The following ZNF385B variants were observed in gnomAD, a reference collection of about 807,000 sequenced individuals.
The protein encoded by ZNF385B is zinc finger protein 533.
A neutral mutation model predicts 39.2 loss-of-function variants in ZNF385B; 23 were observed. That is an observed-to-expected ratio of 0.59 (90% CI 0.42 to 0.83). ZNF385B has a LOEUF of 0.83. Among genes scored for constraint, ZNF385B ranks in the 40% least tolerant of loss-of-function variants. The probability of loss-of-function intolerance (pLI) is 0.00; values close to 1 mark genes in which losing one functional copy is unlikely to be tolerated. For synonymous variants in ZNF385B, 205 were observed against 222.6 expected (o/e 0.92, Z 0.70); for missense variants, 552 against 598.9 (o/e 0.92, Z 0.82).
chr2:179,660,243 C>T (rs916397927), intron 3 of ZNF385B: 1 of 152,368 alleles, frequency 6.6e-6, no homozygotes. Flanking sequence ...GGAGTACTGG[C>T]CTGACTCCAC....
chr2:179,481,887 T>G (rs1279541024), intron 6 of ZNF385B, among the ~76,000 whole-genome samples: 2 of 152,152 alleles, frequency 1.3e-5, no homozygotes. Context: ...TTTTGAAAAA[T>G]AGAGATAATA....
chr2:179,766,065 C>CACACACACACAG (rs1390356107), intron 3 of ZNF385B, among the ~76,000 whole-genome samples: 31 of 150,940 alleles, frequency 2.1e-4, no homozygotes, highest in African/African-American at 7.3e-4. Flanking sequence ...CACACACACA[C>CACACACACACAG]AGCAGACTGG....
intron 3 of ZNF385B, among the ~76,000 whole-genome samples, chr2:179,699,579 T>G (rs1699022354): frequency 6.6e-6 from 1 of 152,234 alleles, no homozygotes; most frequent in Non-Finnish European, 1.5e-5. Flanking sequence ...TAATTCCTGC[T>G]TTCAACAAAA....
chr2:179,769,776 T>G lies in ZNF385B; in HGVS notation c.25A>C (p.Asn9His). 1 of 1,613,446 alleles carries G rather than the reference T, an allele frequency of 6.2e-7. No homozygotes were observed. Among genetic ancestry groups the G allele is most frequent in the Non-Finnish European group, 8.5e-7 (1 of 1,179,640 alleles). Residue 9 changes from asparagine (N) to histidine (H), a missense_variant, in exon 3 of 10, where the codon AAC becomes CAC. Transcript: ENST00000410066. MRYSLSPD[N>H]HLEDGIMNMA... is the part of the protein sequence containing the mutation. ...TTCATGATTCCATCTTCAAGATGGT[T>G]GTCAGGGCTTAAGGAGTACCTCATG...
chr2:179,616,294 T>C (rs1288290679), intron 3 of ZNF385B, among the ~76,000 whole-genome samples: 3 of 152,098 alleles, frequency 2.0e-5, no homozygotes, highest in Non-Finnish European at 4.4e-5. Context: ...GATATCTACA[T>C]TTTATGGTTT....
chr2:179,469,576 T>C (rs1052672727), intron 6 of ZNF385B, among the ~76,000 whole-genome samples: 3 of 152,114 alleles, frequency 2.0e-5, no homozygotes, highest in Non-Finnish European at 4.4e-5. Context: ...AAAGCACAAA[T>C]TGGCCGACTT....
chr2:179,527,150 T>C (rs547408829), intron 4 of ZNF385B, among the ~76,000 whole-genome samples: 9 of 152,228 alleles, frequency 5.9e-5, no homozygotes, highest in Non-Finnish European at 1.2e-4. Context: ...ACAGGCAACA[T>C]CTAATAGCTG....
intron 3 of ZNF385B, among the ~76,000 whole-genome samples, chr2:179,714,511 A>G (rs73973711): frequency 0.028 from 4,234 of 152,264 alleles, 196 homozygotes; most frequent in African/African-American, 0.097. Context: ...GTTGTATTAT[A>G]CAACAATAAA....
intron 1 of ZNF385B, among the ~76,000 whole-genome samples, chr2:179,796,643 G>A (rs1705684330): frequency 6.6e-6 from 1 of 152,200 alleles, no homozygotes; most frequent in Non-Finnish European, 1.5e-5. Context: ...AGGCTGACTA[G>A]TTTTGGAGTC....
At chr2:179,601,704 T>C (rs149599683) in intron 3 of ZNF385B, among the ~76,000 whole-genome samples, 40 of 152,314 alleles carry the variant, frequency 2.6e-4, no homozygotes, top group African/African-American at 7.2e-4. Context: ...ACTTGAAATT[T>C]TGTATTAATT....
chr2:179,551,014 A>C (rs915884330), intron 3 of ZNF385B, among the ~76,000 whole-genome samples: 2 of 152,104 alleles, frequency 1.3e-5, no homozygotes, highest in African/African-American at 2.4e-5. Flanking sequence ...TTACGTTGCT[A>C]TTCTCATGGG....
intron 1 of ZNF385B, among the ~76,000 whole-genome samples, chr2:179,839,704 G>A (rs1030768498): frequency 6.6e-6 from 1 of 152,150 alleles, no homozygotes; most frequent in South Asian, 2.1e-4. Context: ...TCAGAGTGTA[G>A]AGGAGCCACA....
At chr2:179,659,512 T>C (rs1056313886) in intron 3 of ZNF385B, among the ~76,000 whole-genome samples, 2 of 151,962 alleles carry the variant, frequency 1.3e-5, no homozygotes, top group African/African-American at 4.8e-5. Context: ...GCAAATGTTA[T>C]ATTTAAAAAT....
In ZNF385B at chr2:179,769,909, C is replaced by A. The variant is rs1703917547; in HGVS notation, c.-2-107G>T. On this transcript the variant is annotated intron_variant, in intron 2 of 9. Coordinates refer to ENST00000410066, the MANE Select transcript of ZNF385B (RefSeq NM_152520.6). ...TTTGTTTAAGCTAAAAGTTGCCCAGCTACCCAGTGGTTACTACTAGAAAAA... is the reference window on the plus strand; with the variant it reads ...TTTGTTTAAGCTAAAAGTTGCCCAGATACCCAGTGGTTACTACTAGAAAAA... 1.9e-5 allele frequency: 21 copies of A among 1,104,098 alleles called. No individual in the cohort carries two copies. The South Asian group carries it at 3.4e-4, about 18-fold the overall frequency. The allele number at this position is 1,104,098 out of a possible 1,614,324, so 68.4% of individuals were successfully genotyped here.
rs73030931 is a variant in ZNF385B at position 179,666,043 on chromosome 2, C to G, written c.298+103460G>C. 6.7e-3 allele frequency among the ~76,000 whole-genome samples: 1,026 copies of G among 152,242 alleles called. 13 individuals are homozygous for G. Among genetic ancestry groups the G allele is most frequent in the African/African-American group, 0.023 (976 of 41,534 alleles). On this transcript the variant is annotated intron_variant, in intron 3 of 9. Coordinates refer to ENST00000410066, the MANE Select transcript of ZNF385B (RefSeq NM_152520.6). ...GAGGGAGATGGACAAGACCATGAAACTTTGTACAAGTCGCACAGTTTTGTA... is the reference window on the plus strand; with the variant it reads ...GAGGGAGATGGACAAGACCATGAAAGTTTGTACAAGTCGCACAGTTTTGTA...
At chr2:179,597,661 C>G (rs1044175079) in intron 3 of ZNF385B, among the ~76,000 whole-genome samples, 1 of 152,136 alleles carries the variant, frequency 6.6e-6, no homozygotes, top group African/African-American at 2.4e-5. Context: ...CCTATTGATA[C>G]AAGTTATATA....
intron 3 of ZNF385B, among the ~76,000 whole-genome samples, chr2:179,693,379 A>G (rs1339604749): frequency 6.6e-6 from 1 of 152,214 alleles, no homozygotes; most frequent in Non-Finnish European, 1.5e-5. Context: ...ATGTCTCAAT[A>G]TCTGTAACAC....
chr2:179,756,190 C>G lies in ZNF385B; in HGVS notation c.298+13313G>C, dbSNP rs543613253. On this transcript the variant is annotated intron_variant, in intron 3 of 9. Coordinates refer to ENST00000410066, the MANE Select transcript of ZNF385B (RefSeq NM_152520.6). ...GGCAGGCCTGGTGGTGACAAAATCT[C>G]TCAGCATTTGCTTGTCTGTAAAGGA... 1.8e-4 allele frequency among the ~76,000 whole-genome samples: 27 copies of G among 152,158 alleles called. 1 individual carries two copies. The South Asian group carries it at 5.6e-3, about 32-fold the overall frequency.
chr2:179,769,696 AG>A lies in ZNF385B; in HGVS notation c.104del (p.Pro35LeufsTer5). 6.2e-7 allele frequency: 1 copy of A among 1,614,206 alleles called. No homozygotes were observed. Among genetic ancestry groups the A allele is most frequent in the Non-Finnish European group, 8.5e-7 (1 of 1,180,040 alleles). On this transcript the variant is annotated frameshift_variant, in exon 3 of 10. Transcript: ENST00000410066. LOFTEE classifies it high-confidence loss of function. Reference sequence around the variant, plus strand: ...TTTTCTCTTTGCTCAACTGGTCCTCAGGCCTGTCGTTCTTTATCCCCTTTTC... The same window carrying A: ...TTTTCTCTTTGCTCAACTGGTCCTCAGCCTGTCGTTCTTTATCCCCTTTTC... ...FEEKGIKNDR[P>X]EDQLSKEKKK...
Sources: allele counts gnomAD v4.1 joint callset (sites outside exome capture counted in the v4.1 genomes callset), GRCh38; gene constraint gnomAD v4.1.1; transcripts MANE v1.5; gene names NCBI Gene and HGNC (gene_info 2026-07-23, HGNC 2026-07-21).